Variants in NOTCH2NLC observed in about 807,000 individuals in gnomAD.
The protein encoded by NOTCH2NLC is notch 2 N-terminal like C, also known as notch homolog 2 N-terminal-like protein C.
Under a neutral mutation model 17.7 loss-of-function variants are expected in NOTCH2NLC, and 4 were observed. The observed-to-expected ratio is 0.23, with a 90% CI of 0.11 to 0.52. The LOEUF (loss-of-function observed/expected upper bound fraction) is 0.52. Ranked by LOEUF, NOTCH2NLC falls within the 20% of genes least tolerant of loss-of-function variation. The pLI, the probability that NOTCH2NLC is intolerant of heterozygous loss-of-function variation, is 0.96. For synonymous variants in NOTCH2NLC, 18 were observed against 86.0 expected (o/e 0.21, Z 4.38); for missense variants, 57 against 207.2 (o/e 0.28, Z 4.45).
intron 1 of NOTCH2NLC, among the ~76,000 whole-genome samples, chr1:149,412,203 G>A (rs1254923515): frequency 2.7e-5 from 4 of 150,156 alleles, no homozygotes; most frequent in Non-Finnish European, 5.9e-5. Flanking sequence ...GCATGCTTTA[G>A]TCCATTGTTT....
At chr1:149,449,809 G>A (rs1370090255) in intron 2 of NOTCH2NLC, among the ~76,000 whole-genome samples, 5 of 151,192 alleles carry the variant, frequency 3.3e-5, no homozygotes, top group Admixed American at 2.0e-4. Context: ...TTTCTTTACA[G>A]CTCCTAGCAA....
intron 1 of NOTCH2NLC, among the ~76,000 whole-genome samples, chr1:149,424,708 A>G (rs2084402884): frequency 6.6e-6 from 1 of 151,248 alleles, no homozygotes; most frequent in Admixed American, 6.6e-5. Context: ...TATAAAGAAA[A>G]AAGGTTTATT....
chr1:149,460,863 CTTT>C (rs2084642147), intron 3 of NOTCH2NLC, among the ~76,000 whole-genome samples: 3 of 2,850 alleles, frequency 1.1e-3, no homozygotes, highest in South Asian at 6.7e-3. Context: ...CCCTTTCTTT[CTTT>C]CTTTCTTTCT....
At chr1:149,444,926 A>G (rs1388433357) in intron 2 of NOTCH2NLC, among the ~76,000 whole-genome samples, 2 of 150,156 alleles carry the variant, frequency 1.3e-5, no homozygotes, top group Non-Finnish European at 3.0e-5. Flanking sequence ...TTGCTGAGTA[A>G]GCTATAGTAT....
intron 3 of NOTCH2NLC, among the ~76,000 whole-genome samples, chr1:149,460,887 CTTTCTTTCTTTCTTTCTTT>C (rs2084643822): frequency 1.5e-5 from 2 of 134,518 alleles, no homozygotes; most frequent in Admixed American, 7.6e-5. Context: ...TTCTTTCTTT[CTTTCTTTCTTTCTTTCTTT>C]CTTTCTTTCT....
chr1:149,412,235 A>G (rs2101472804), intron 1 of NOTCH2NLC, among the ~76,000 whole-genome samples: 1 of 149,456 alleles, frequency 6.7e-6, no homozygotes, highest in South Asian at 2.1e-4. Flanking sequence ...GATCATGACC[A>G]CGAATGGGTC....
chr1:149,466,222 A>T lies in NOTCH2NLC; in HGVS notation c.*2069A>T, dbSNP rs1388481016. ...AACCAAGACACTCCTAATTATAATC[A>T]AATAGTACTTGTTACATATCAATAT... On this transcript the variant is annotated 3_prime_UTR_variant, in exon 5 of 5. Transcript: ENST00000650865. 1 of 140,858 alleles carries T rather than the reference A, an allele frequency of 7.1e-6. No individual in the cohort carries two copies. Among genetic ancestry groups the T allele is most frequent in the African/African-American group, 2.7e-5 (1 of 37,518 alleles). The allele number at this position is 140,858 out of a possible 1,614,324, so 8.7% of individuals were successfully genotyped here. A position where few individuals can be genotyped will look rare whatever the true frequency, so the allele number is the denominator to read the frequency against.
chr1:149,398,193 C>G (rs1288447059), intron 1 of NOTCH2NLC, among the ~76,000 whole-genome samples: 1 of 151,120 alleles, frequency 6.6e-6, no homozygotes, highest in Non-Finnish European at 1.5e-5. Flanking sequence ...CGTGAGCTGT[C>G]TGCCATTTTC....
At chr1:149,433,824 T>C (rs1207290683) in intron 2 of NOTCH2NLC, among the ~76,000 whole-genome samples, 1 of 150,870 alleles carries the variant, frequency 6.6e-6, no homozygotes, top group Non-Finnish European at 1.5e-5. Flanking sequence ...GGCACGCACC[T>C]GTAATCCCAG....
rs1430724258 is a variant in NOTCH2NLC, at chr1:149,413,584, A to C, written c.136-17358A>C. 2.0e-5 allele frequency among the ~76,000 whole-genome samples: 3 copies of C among 150,972 alleles called. 1 individual carries two copies. The East Asian group carries it at 5.9e-4, about 30-fold the overall frequency. On this transcript the variant is annotated intron_variant, in intron 1 of 4. Coordinates refer to ENST00000650865, the MANE Select transcript of NOTCH2NLC (RefSeq NM_001364013.2). ...GCGGCCATGCCTGGGATATGAACTC[A>C]GCTGTTTTGAGTGAGAAGGGGCATC...
intron 1 of NOTCH2NLC, among the ~76,000 whole-genome samples, chr1:149,402,137 T>G (rs2084249612): frequency 6.6e-6 from 1 of 150,438 alleles, no homozygotes; most frequent in Admixed American, 6.6e-5. Flanking sequence ...TGGAGTGCAA[T>G]GGCGCAATCT....
At chr1:149,399,277 A>C (rs1376039058) in intron 1 of NOTCH2NLC, among the ~76,000 whole-genome samples, 1 of 150,464 alleles carries the variant, frequency 6.6e-6, no homozygotes, top group Non-Finnish European at 1.5e-5. Flanking sequence ...TTAAGCCTCA[A>C]ATATTTTCAA....
rs1317123732 is a variant in NOTCH2NLC at position 149,455,793 on chromosome 1, TTGAC to T, written c.469+219_469+222del. On this transcript the variant is annotated intron_variant, in intron 3 of 4. Transcript: ENST00000650865. ...AGAGAAAGAAAAAGGACCAAATACT[TTGAC>T]TGCTTAAAGTATATATGTCAGGGCC... Among the ~76,000 whole-genome samples the T allele has an allele frequency of 2.0e-5, 3 of 149,224 alleles. No homozygotes were observed. In the East Asian group the frequency reaches 6.0e-4, roughly 30 times the overall value.
chr1:149,410,419 A>G (rs2084292569), intron 1 of NOTCH2NLC, among the ~76,000 whole-genome samples: 2 of 147,642 alleles, frequency 1.4e-5, no homozygotes, highest in African/African-American at 2.5e-5. Flanking sequence ...TGATTAAGGT[A>G]CCTTTTGGGA....
Position 149,390,709 on chromosome 1 carries a change from C to G in NOTCH2NLC, c.-79C>G, listed in dbSNP as rs1280237340. The G allele has an allele frequency of 5.0e-4, 623 of 1,244,146 alleles. 27 individuals carry two copies. The highest frequency in any genetic ancestry group is 4.0e-3 in the Middle Eastern group (13 of 3,216). 77.1% of individuals were successfully genotyped at this position (1,244,146 alleles called of 1,614,324 possible). On this transcript the variant is annotated 5_prime_UTR_variant, in exon 1 of 5. Transcript: ENST00000650865. ...GAGGCATTTGCGCCTGTGCTTCGGA[C>G]CGTAGCGCCAGGGCCTGAGCCTTTG...
In NOTCH2NLC at chr1:149,471,378, G is replaced by T. The variant is rs2084718875; in HGVS notation, c.*7225G>T. Among the ~76,000 whole-genome samples the T allele has an allele frequency of 6.7e-6, 1 of 148,904 alleles. No homozygotes were observed. The highest frequency in any genetic ancestry group is 2.5e-5 in the African/African-American group (1 of 40,460). On this transcript the variant is annotated 3_prime_UTR_variant, in exon 5 of 5. Coordinates refer to ENST00000650865, the MANE Select transcript of NOTCH2NLC (RefSeq NM_001364013.2). The stretch of plus-strand genomic sequence containing the variant: ...GTTGCTTGTGCTTTCAGTCATATTT[G>T]TGAAAACTTTGCTTATCCCACATTA...
At chr1:149,454,579 T>G (rs2084605609) in intron 2 of NOTCH2NLC, among the ~76,000 whole-genome samples, 1 of 150,872 alleles carries the variant, frequency 6.6e-6, no homozygotes, top group Non-Finnish European at 1.5e-5. Flanking sequence ...GTTTATATGG[T>G]ATCTTAGATA....
chr1:149,420,475 TAAAA>T lies in NOTCH2NLC; in HGVS notation c.136-10461_136-10458del, dbSNP rs1225208341. Among the ~76,000 whole-genome samples the T allele has an allele frequency of 2.7e-5, 4 of 145,792 alleles. No individual in the cohort carries two copies. The East Asian group carries it at 8.1e-4, about 30-fold the overall frequency. ...TACCCTAAAACTTAAAGTATAATAA[TAAAA>T]AAAAAGAAATATCCTGGCTATGAGT... On this transcript the variant is annotated intron_variant, in intron 1 of 4. Coordinates refer to ENST00000650865, the MANE Select transcript of NOTCH2NLC (RefSeq NM_001364013.2).
chr1:149,461,226 C>T (rs1203621707), intron 3 of NOTCH2NLC, among the ~76,000 whole-genome samples: 2 of 149,552 alleles, frequency 1.3e-5, no homozygotes, highest in Admixed American at 1.3e-4. Context: ...TCAGCCACCA[C>T]TTCCGGCCCA....
Sources: gnomAD v4.1 joint callset for allele counts (sites outside exome capture counted in the v4.1 genomes callset) on GRCh38, gnomAD v4.1.1 for gene constraint, MANE v1.5 for transcripts, NCBI Gene and HGNC (gene_info 2026-07-23, HGNC 2026-07-21) for gene names.